The following PIK3CD variants were observed in gnomAD, a reference collection of about 807,000 sequenced individuals.
PIK3CD encodes phosphatidylinositol-4,5-bisphosphate 3-kinase catalytic subunit delta.
A neutral mutation model predicts 122.9 loss-of-function variants in PIK3CD; 20 were observed. The ratio of observed to expected loss-of-function variants is 0.16; its 90% CI spans 0.11 to 0.24. The LOEUF is 0.24. Among genes scored for constraint, PIK3CD ranks in the 10% least tolerant of loss-of-function variants. The pLI, the probability that PIK3CD is intolerant of heterozygous loss-of-function variation, is 1.00. For missense variants in PIK3CD, 787 were observed against 1,406.3 expected, an observed-to-expected ratio of 0.56 and a Z score of 7.04; for synonymous variants, 596 against 593.4, an observed-to-expected ratio of 1.00 and a Z score of -0.06.
intron 3 of PIK3CD, among the ~76,000 whole-genome samples, chr1:9,714,685 G>C (rs975969827): frequency 2.6e-5 from 4 of 151,976 alleles, no homozygotes; most frequent in African/African-American, 9.7e-5. Context: ...ATAGTTAGCC[G>C]TTGCCCTTTG....
intron 2 of PIK3CD, among the ~76,000 whole-genome samples, chr1:9,706,309 A>G (rs1646829759): frequency 6.7e-6 from 1 of 150,322 alleles, no homozygotes; most frequent in African/African-American, 2.5e-5. Flanking sequence ...TGGGCAACAT[A>G]GCAAGACCCT....
intron 1 of PIK3CD, among the ~76,000 whole-genome samples, chr1:9,687,093 A>G (rs915976530): frequency 1.4e-4 from 21 of 152,220 alleles, no homozygotes; most frequent in African/African-American, 4.6e-4. Context: ...GACACCCCCA[A>G]TTTGAACCCC....
At chr1:9,663,424 T>C (rs1645066550) in intron 1 of PIK3CD, among the ~76,000 whole-genome samples, 1 of 152,152 alleles carries the variant, frequency 6.6e-6, no homozygotes, top group Admixed American at 6.6e-5. Flanking sequence ...CCGTATCCCC[T>C]CATTTCACGG....
rs2100877859 is a variant in PIK3CD at position 9,717,512 on chromosome 1, A to G, written c.931-25A>G. 6.2e-7 allele frequency: 1 copy of G among 1,610,820 alleles called. No individual in the cohort carries two copies. The highest frequency in any genetic ancestry group is 8.5e-7 in the Non-Finnish European group (1 of 1,177,240). On this transcript the variant is annotated intron_variant, in intron 7 of 23. Coordinates refer to ENST00000377346, the MANE Select transcript of PIK3CD (RefSeq NM_005026.5). The surrounding 1 kb of genome is among the most constrained non-coding windows in gnomAD (Gnocchi z 5.4). ...ACAAGCTGCACTTTGAGCCGTGTTAACAGCCCTGCTTCCCCGGCCCCCAGC... is the reference window on the plus strand; with the variant it reads ...ACAAGCTGCACTTTGAGCCGTGTTAGCAGCCCTGCTTCCCCGGCCCCCAGC...
chr1:9,670,796 C>T (rs1318635801), intron 1 of PIK3CD, among the ~76,000 whole-genome samples: 1 of 151,994 alleles, frequency 6.6e-6, no homozygotes. Context: ...CTCGCTCTGT[C>T]ACCGAGGCTG....
At chr1:9,654,439 G>A in intron 1 of PIK3CD, 1 of 1,364,892 alleles carries the variant, frequency 7.3e-7, no homozygotes, top group Non-Finnish European at 9.8e-7. Context: ...GAGGGCATCA[G>A]CCCCTGGGGG....
rs1557662865 is a variant in PIK3CD, at chr1:9,717,142, A to G, written c.930+34A>G. ...GCGCCTTCCGCCTCCCCTCTGAGCC[A>G]CCCCTTCTTTCCACCTGGCGTCCAA... On this transcript the variant is annotated intron_variant, in intron 7 of 23. Transcript: ENST00000377346. The surrounding 1 kb of genome is among the most constrained non-coding windows in gnomAD (Gnocchi z 5.4). The G allele has an allele frequency of 6.2e-7, 1 of 1,613,110 alleles. No homozygotes were observed. Among genetic ancestry groups the G allele is most frequent in the Non-Finnish European group, 8.5e-7 (1 of 1,179,672 alleles).
chr1:9,646,232 G>C, the PIK3CD span, among the ~76,000 whole-genome samples: 72 of 152,286 alleles, frequency 4.7e-4, 1 homozygote, highest in South Asian at 8.9e-3. Context: ...GTAAATTGGG[G>C]ATAAGATTTA....
At chr1:9,659,207 C>T (rs896663873) in intron 1 of PIK3CD, among the ~76,000 whole-genome samples, 1 of 152,072 alleles carries the variant, frequency 6.6e-6, no homozygotes, top group Non-Finnish European at 1.5e-5. Flanking sequence ...ATAGCTAATG[C>T]ACGCGGGGCT....
intron 2 of PIK3CD, 160 bp downstream of exon 2, chr1:9,691,731 T>C: frequency 2.6e-6 from 1 of 388,412 alleles, no homozygotes; most frequent in Non-Finnish European, 4.5e-6. Flanking sequence ...GTGACCCAAA[T>C]TGGTGCTAGG....
rs2100310788 is a variant in PIK3CD, at chr1:9,684,524, G to A, written c.-137-6943G>A. 2.1e-5 allele frequency among the ~76,000 whole-genome samples: 3 copies of A among 146,220 alleles called. 1 individual carries two copies. The highest frequency in any genetic ancestry group is 7.1e-3 in the Middle Eastern group (2 of 280). ...TGTACTCCAGCCTGGGCGACAGAGA[G>A]AGACTCCGTCTCAAAAAAAAAAAAA... On this transcript the variant is annotated intron_variant, in intron 1 of 23. Transcript: ENST00000377346.
At chr1:9,665,466 C>T (rs1351642824) in intron 1 of PIK3CD, among the ~76,000 whole-genome samples, 1 of 150,646 alleles carries the variant, frequency 6.6e-6, no homozygotes, top group East Asian at 2.0e-4. Context: ...AAGCTCTTGC[C>T]GTAGCTCTGG....
At chr1:9,725,636 T>C (rs571384006) in intron 23 of PIK3CD, among the ~76,000 whole-genome samples, 1 of 152,002 alleles carries the variant, frequency 6.6e-6, no homozygotes, top group Admixed American at 6.6e-5. Flanking sequence ...CCCAGCACTT[T>C]GGGGGGCTGA....
chr1:9,726,370 G>A (rs1376887597), intron 23 of PIK3CD, among the ~76,000 whole-genome samples: 1 of 151,942 alleles, frequency 6.6e-6, no homozygotes, highest in Non-Finnish European at 1.5e-5. Flanking sequence ...TTAGCCAGGT[G>A]TGGTGGCGGC....
chr1:9,642,956 C>T, the PIK3CD span, among the ~76,000 whole-genome samples: 1 of 151,414 alleles, frequency 6.6e-6, no homozygotes, highest in Admixed American at 6.6e-5. Flanking sequence ...GGTGTGGTGG[C>T]ATACACCTGT....
Position 9,719,011 on chromosome 1 carries a change from A to G in PIK3CD, c.1242+96A>G, listed in dbSNP as rs1648034794. ...ACCACTCTCCTCCCGGCAAGCACGC[A>G]GCCTGGGGATGGGGGTCCTGGGATT... is the stretch of plus-strand genomic sequence containing the variant. On this transcript the variant is annotated intron_variant, in intron 9 of 23. Coordinates refer to ENST00000377346, the MANE Select transcript of PIK3CD (RefSeq NM_005026.5). The surrounding 1 kb of genome is among the most constrained non-coding windows in gnomAD (Gnocchi z 5.5). 1 of 1,185,478 alleles carries G rather than the reference A, an allele frequency of 8.4e-7. No homozygotes were observed. The highest frequency in any genetic ancestry group is 1.2e-6 in the Non-Finnish European group (1 of 821,664). The allele number at this position is 1,185,478 out of a possible 1,614,324, so 73.4% of individuals were successfully genotyped here.
chr1:9,631,825 T>G, the PIK3CD span, among the ~76,000 whole-genome samples: 9 of 152,144 alleles, frequency 5.9e-5, no homozygotes, highest in Admixed American at 2.0e-4. Flanking sequence ...TTGCTTTACC[T>G]CGTCCTGCCA....
the PIK3CD span, among the ~76,000 whole-genome samples, chr1:9,645,126 A>G: frequency 1.3e-5 from 2 of 149,118 alleles, no homozygotes; most frequent in Non-Finnish European, 1.5e-5. Context: ...CCTGGGTTCA[A>G]GTGATTCTCC....
At chr1:9,705,476 T>C (rs1040520569) in intron 2 of PIK3CD, among the ~76,000 whole-genome samples, 11 of 152,026 alleles carry the variant, frequency 7.2e-5, no homozygotes, top group Non-Finnish European at 1.6e-4. Context: ...CCAGCCTGGA[T>C]GACAGAGTGA....
Sources: gnomAD v4.1 joint callset for allele counts (sites outside exome capture counted in the v4.1 genomes callset) on GRCh38, gnomAD v4.1.1 for gene constraint, Gnocchi (gnomAD v3.1) non-coding constraint, MANE v1.5 for transcripts, NCBI Gene and HGNC (gene_info 2026-07-23, HGNC 2026-07-21) for gene names.